NAT10: variants seen among roughly 807,000 people sequenced by gnomAD.
NAT10 encodes the protein N-acetyltransferase 10.
Under a neutral mutation model 132.2 loss-of-function variants are expected in NAT10, and 109 were observed. The observed-to-expected ratio is 0.82, with a 90% CI of 0.71 to 0.97. The LOEUF (loss-of-function observed/expected upper bound fraction) is 0.97. NAT10 is among the 50% of genes least tolerant of loss of function. The pLI, the probability that NAT10 is intolerant of heterozygous loss-of-function variation, is 0.00. For synonymous variants in NAT10, 479 were observed against 478.0 expected (o/e 1.00, Z -0.03); for missense variants, 1,184 against 1,263.4 (o/e 0.94, Z 0.95).
intron 26 of NAT10, 84 bp from the exon 27 acceptor site, chr11:34,142,190 GC>G (rs1852347589): frequency 1.6e-6 from 2 of 1,248,856 alleles, no homozygotes; most frequent in Non-Finnish European, 2.3e-6. Context: ...TCATCATTGT[GC>G]CATTCCACCC....
At chr11:34,136,851 G>C in intron 20 of NAT10, 76 bp downstream of exon 20, 3 of 1,612,226 alleles carry the variant, frequency 1.9e-6, no homozygotes, top group Non-Finnish European at 1.7e-6. Flanking sequence ...GTGTGTCTCT[G>C]TTGGTAGCTG....
Position 34,108,237 on chromosome 11 carries a change from A to G in NAT10, c.12A>G (p.Lys4=), listed in dbSNP as rs755572466. ...AATAATTTTTCACCATGCATCGGAA[A>G]AAGGTGGATAACCGAATCCGGATTC... is the stretch of plus-strand genomic sequence containing the variant. The part of the protein sequence containing the change: MHR[K]KVDNRIRILI... Residue 4 remains lysine, a synonymous_variant, in exon 2 of 29, where the codon AAA becomes AAG. Coordinates refer to ENST00000257829, the MANE Select transcript of NAT10 (RefSeq NM_024662.3). 1.3e-5 allele frequency: 21 copies of G among 1,613,860 alleles called. No homozygotes were observed. The highest frequency in any genetic ancestry group is 3.3e-5 in the Admixed American group (2 of 60,000).
intron 11 of NAT10, among the ~76,000 whole-genome samples, chr11:34,126,214 C>T (rs1395421446): frequency 1.3e-5 from 2 of 152,178 alleles, no homozygotes; most frequent in Non-Finnish European, 2.9e-5. Flanking sequence ...AGAACTAAAA[C>T]ATCACAAATA....
chr11:34,141,009 G>T, intron 24 of NAT10, 80 bp from the exon 25 acceptor site: 1 of 1,592,890 alleles, frequency 6.3e-7, no homozygotes, highest in South Asian at 1.1e-5. Flanking sequence ...TTGGTCAAGA[G>T]AGTACTCTGG....
intron 6 of NAT10, among the ~76,000 whole-genome samples, chr11:34,117,070 G>T (rs1851795611): frequency 6.6e-6 from 1 of 152,158 alleles, no homozygotes; most frequent in African/African-American, 2.4e-5. Flanking sequence ...TATGAGGAGG[G>T]TTTGGCCATA....
chr11:34,132,790 C>T (rs1443199376), intron 15 of NAT10, among the ~76,000 whole-genome samples: 1 of 152,092 alleles, frequency 6.6e-6, no homozygotes, highest in Non-Finnish European at 1.5e-5. Flanking sequence ...TTCTTCTGTC[C>T]AGCCTCAGTG....
chr11:34,142,608 G>A (rs536148534), intron 27 of NAT10, among the ~76,000 whole-genome samples: 15 of 152,314 alleles, frequency 9.8e-5, no homozygotes, highest in South Asian at 2.1e-4. Context: ...CACACCTCGG[G>A]TCCTTCCAGG....
chr11:34,117,042 G>A (rs1851795118), intron 6 of NAT10, among the ~76,000 whole-genome samples: 1 of 152,154 alleles, frequency 6.6e-6, no homozygotes, highest in African/African-American at 2.4e-5. Flanking sequence ...TAGAACACTA[G>A]TCTTTTAAGA....
In NAT10 at chr11:34,118,495, C is replaced by G. The variant is rs779140576; in HGVS notation, c.772C>G (p.Leu258Val). 9.9e-6 allele frequency: 16 copies of G among 1,613,158 alleles called. No individual in the cohort carries two copies. The highest frequency in any genetic ancestry group is 8.5e-6 in the Non-Finnish European group (10 of 1,179,530). ...VGVLVDCCKT[L>V]DQAKAVLKFI... ...TGTGTTGGTGGACTGCTGTAAGACT[C>G]TAGACCAGGTGAGTGTGGTGCTCAG... Residue 258 changes from leucine to valine, a missense_variant, in exon 8 of 29, where the codon CTA becomes GTA. Transcript: ENST00000257829.
In NAT10 at chr11:34,143,645, T is replaced by C; in HGVS notation, c.2969+117T>C. On this transcript the variant is annotated intron_variant, in intron 28 of 28. Coordinates refer to ENST00000257829, the MANE Select transcript of NAT10 (RefSeq NM_024662.3). ...AGCAAAAGCTTTGACAGAAAAGTCA[T>C]GGTTCTTCCCTTTGAGAGTCCCCTG... 3.2e-6 allele frequency: 3 copies of C among 941,038 alleles called. 1 individual carries two copies. In the South Asian group the frequency reaches 5.0e-5, roughly 16 times the overall value. The allele number at this position is 941,038 out of a possible 1,614,324, so 58.3% of individuals were successfully genotyped here.
intron 12 of NAT10, among the ~76,000 whole-genome samples, chr11:34,130,350 A>C (rs1264568975): frequency 6.6e-6 from 1 of 152,214 alleles, no homozygotes; most frequent in Non-Finnish European, 1.5e-5. Context: ...AAATGTTCTC[A>C]GTTCATTTCC....
rs1179149515 is a variant in NAT10, at chr11:34,111,929, C to T, written c.201-123C>T. The T allele has an allele frequency of 4.2e-6, 5 of 1,195,026 alleles. No individual in the cohort carries two copies. The East Asian group carries it at 7.5e-5, about 18-fold the overall frequency. The allele number at this position is 1,195,026 out of a possible 1,614,324, so 74.0% of individuals were successfully genotyped here. On this transcript the variant is annotated intron_variant, in intron 3 of 28. Transcript: ENST00000257829. ...CCCTCCACCTGAAGTGGGCCTCACACTTTCAAGTTCCCTACTAGCTCTGAA... is the reference window on the plus strand; with the variant it reads ...CCCTCCACCTGAAGTGGGCCTCACATTTTCAAGTTCCCTACTAGCTCTGAA...
At chr11:34,133,759 A>G (rs779635474) in intron 16 of NAT10, among the ~76,000 whole-genome samples, 6 of 152,160 alleles carry the variant, frequency 3.9e-5, no homozygotes, top group East Asian at 1.9e-4. Flanking sequence ...CACAGCATAC[A>G]TAGAGACTCT....
rs780116927 is a variant in NAT10, at chr11:34,122,442, T to C, written c.781-17T>C. 5.0e-6 allele frequency: 8 copies of C among 1,614,014 alleles called. No individual in the cohort carries two copies. The highest frequency in any genetic ancestry group is 4.4e-5 in the South Asian group (4 of 91,072). On this transcript the variant is annotated splice_polypyrimidine_tract_variant and intron_variant, in intron 8 of 28. Coordinates refer to ENST00000257829, the MANE Select transcript of NAT10 (RefSeq NM_024662.3). ...GGTCTTTCTTGGAGTTCACCTAATA[T>C]GTTTCTGTTTCCACAGGCCAAAGCT... is the stretch of plus-strand genomic sequence containing the variant.
rs184586600 is a variant in NAT10 at position 34,125,304 on chromosome 11, G to A, written c.1107+904G>A. Among the ~76,000 whole-genome samples, 6 of 152,286 alleles carry A rather than the reference G, an allele frequency of 3.9e-5. No individual in the cohort carries two copies. The East Asian group carries it at 1.2e-3, about 29-fold the overall frequency. The stretch of plus-strand genomic sequence containing the variant: ...GTCAGGCTGCAGGCAATGAGAACAC[G>A]GAGACCTGTTAAAACTCAAGAAAAA... On this transcript the variant is annotated intron_variant, in intron 11 of 28. Coordinates refer to ENST00000257829, the MANE Select transcript of NAT10 (RefSeq NM_024662.3).
rs1170851652 is a variant in NAT10, at chr11:34,146,192, G to A, written c.3078G>A (p.Ter1026=). The A allele has an allele frequency of 5.0e-6, 8 of 1,589,142 alleles. No individual in the cohort carries two copies. The African/African-American group carries it at 8.1e-5, about 16-fold the overall frequency. Reference sequence around the variant, plus strand: ...ATATGAAACTGAAGCGGAAGAAATAGTGAAGAGAAACTCGGGCATCTGTGT... The same window carrying A: ...ATATGAAACTGAAGCGGAAGAAATAATGAAGAGAAACTCGGGCATCTGTGT... The part of the protein sequence containing the change: ...KKDMKLKRKK[*] The change falls in exon 29 of 29, where the codon TAG becomes TAA. Residue 1026 remains the stop codon, a stop_retained_variant. Transcript: ENST00000257829.
rs1191467802 is a variant in NAT10, at chr11:34,134,501, C to T, written c.1837-11C>T. ...GTGTTGCTAAGTTACTGGTTTGTGT[C>T]TCCCACACAGTTCCAAGATCCAGAC... On this transcript the variant is annotated splice_polypyrimidine_tract_variant and intron_variant, in intron 17 of 28. Coordinates refer to ENST00000257829, the MANE Select transcript of NAT10 (RefSeq NM_024662.3). 5.6e-6 allele frequency: 9 copies of T among 1,614,016 alleles called. No homozygotes were observed. Among genetic ancestry groups the T allele is most frequent in the Non-Finnish European group, 6.8e-6 (8 of 1,180,012 alleles).
chr11:34,120,375 C>T (rs562227998), intron 8 of NAT10, among the ~76,000 whole-genome samples: 1 of 152,234 alleles, frequency 6.6e-6, no homozygotes, highest in Admixed American at 6.5e-5. Context: ...GACCTGGATT[C>T]CCTTTGAGTA....
At chr11:34,128,273 A>C (rs1389288998) in intron 12 of NAT10, among the ~76,000 whole-genome samples, 1 of 151,938 alleles carries the variant, frequency 6.6e-6, no homozygotes, top group Admixed American at 6.6e-5. Flanking sequence ...AAAATTGCTT[A>C]AACCCAGGAG....
Sources: gnomAD v4.1 joint callset for allele counts (sites outside exome capture counted in the v4.1 genomes callset) on GRCh38, gnomAD v4.1.1 for gene constraint, MANE v1.5 for transcripts, NCBI Gene and HGNC (gene_info 2026-07-23, HGNC 2026-07-21) for gene names.